The following MSN variants were observed in gnomAD, a reference collection of about 807,000 sequenced individuals.
The protein encoded by MSN is moesin, also known as epididymis luminal protein 70.
A neutral mutation model predicts 48.0 loss-of-function variants in MSN; 2 were observed. The observed-to-expected ratio is 0.04, with a 90% CI of 0.02 to 0.13. The LOEUF (loss-of-function observed/expected upper bound fraction) is 0.13, where lower values mean the gene tolerates loss of function less well. Among genes scored for constraint, MSN ranks in the 10% least tolerant of loss-of-function variants. The pLI is 1.00. For synonymous variants in MSN, 146 were observed against 166.9 expected, an observed-to-expected ratio of 0.87 and a Z score of 0.97; for missense variants, 267 against 470.1, an observed-to-expected ratio of 0.57 and a Z score of 3.99.
At chrX:65,725,443 T>A (rs1393530638) in intron 2 of MSN, among the ~76,000 whole-genome samples, 1 of 110,666 alleles carries the variant, frequency 9.0e-6, no homozygotes, top group East Asian at 2.8e-4. Flanking sequence ...TCAGCTGGAT[T>A]GTTTCTTGGA....
chrX:65,616,802 C>T (rs1364760280), intron 1 of MSN, among the ~76,000 whole-genome samples: 1 of 109,258 alleles, frequency 9.2e-6, no homozygotes, highest in Non-Finnish European at 1.9e-5. Context: ...AAAGGGAATG[C>T]TTCCAGTTTT....
chrX:65,724,165 A>G (rs1383071554), intron 2 of MSN, among the ~76,000 whole-genome samples: 1 of 103,514 alleles, frequency 9.7e-6, no homozygotes, highest in Non-Finnish European at 2.0e-5. Flanking sequence ...TTTTTTTGAG[A>G]CAGAGTTTCA....
At chrX:65,707,963 A>G (rs984343919) in intron 1 of MSN, among the ~76,000 whole-genome samples, 3 of 111,954 alleles carry the variant, frequency 2.7e-5, no homozygotes, top group Admixed American at 9.5e-5. Context: ...CCTTGTCCTC[A>G]TGACTTAGTT....
intron 11 of MSN, 43 bp downstream of exon 11, chrX:65,738,660 C>T: frequency 9.0e-7 from 1 of 1,107,062 alleles, no homozygotes; most frequent in Non-Finnish European, 1.2e-6. Context: ...GGAATGGGTG[C>T]CATATGCATA....
At chrX:65,723,649 C>G (rs2071538717) in intron 2 of MSN, among the ~76,000 whole-genome samples, 1 of 111,919 alleles carries the variant, frequency 8.9e-6, no homozygotes, top group African/African-American at 3.3e-5. Context: ...TCTCTTTCCT[C>G]TGGAATGGAG....
intron 1 of MSN, among the ~76,000 whole-genome samples, chrX:65,639,970 T>C (rs1250075825): frequency 1.8e-5 from 2 of 111,633 alleles, no homozygotes; most frequent in African/African-American, 3.3e-5. Context: ...CTGTGCTAGA[T>C]GCTAGGGGTG....
rs903724429 is a variant in MSN at position 65,673,719 on chromosome X, G to A, written c.12+5866G>A. ...TCCTTTAGCTGGTTGTTCTGGATGGGCAGGGTTTCTCACAGGAGTGTTTTG... is the reference window on the plus strand; with the variant it reads ...TCCTTTAGCTGGTTGTTCTGGATGGACAGGGTTTCTCACAGGAGTGTTTTG... On this transcript the variant is annotated intron_variant, in intron 1 of 12. Transcript: ENST00000360270. 3.6e-5 allele frequency among the ~76,000 whole-genome samples: 4 copies of A among 112,087 alleles called. No homozygotes were observed. In the South Asian group the frequency reaches 1.5e-3, roughly 42 times the overall value.
At chrX:65,636,921 A>G (rs2070607681) in intron 1 of MSN, among the ~76,000 whole-genome samples, 1 of 95,764 alleles carries the variant, frequency 1.0e-5, no homozygotes, top group South Asian at 5.0e-4. Flanking sequence ...CTCTACTAAA[A>G]ATACAAAAAA....
At chrX:65,609,958 C>G (rs945755585) in intron 1 of MSN, among the ~76,000 whole-genome samples, 1 of 111,637 alleles carries the variant, frequency 9.0e-6, no homozygotes, top group African/African-American at 3.3e-5. Context: ...ATATTCTTCA[C>G]TACTATTTTC....
intron 1 of MSN, among the ~76,000 whole-genome samples, chrX:65,627,785 C>A (rs1006853544): frequency 1.8e-5 from 2 of 112,034 alleles, no homozygotes; most frequent in African/African-American, 6.5e-5. Flanking sequence ...TGAGACAAGG[C>A]AAGTCCCCTC....
chrX:65,599,893 A>C (rs1439307227), intron 1 of MSN, among the ~76,000 whole-genome samples: 1 of 111,132 alleles, frequency 9.0e-6, no homozygotes. Flanking sequence ...ATGCAGTAAG[A>C]ACAGGGTTGA....
intron 1 of MSN, among the ~76,000 whole-genome samples, chrX:65,700,601 G>C: frequency 8.9e-6 from 1 of 111,825 alleles, no homozygotes; most frequent in East Asian, 2.8e-4. Flanking sequence ...CTGCTACCCT[G>C]GGGTGCTGGT....
intron 1 of MSN, among the ~76,000 whole-genome samples, chrX:65,627,564 T>C (rs1165989670): frequency 9.0e-6 from 1 of 110,997 alleles, no homozygotes; most frequent in Non-Finnish European, 1.9e-5. Flanking sequence ...ATGATTCAAT[T>C]ACCTCCCCCT....
At chrX:65,635,779 G>T (rs1369384609) in intron 1 of MSN, among the ~76,000 whole-genome samples, 1 of 111,872 alleles carries the variant, frequency 8.9e-6, no homozygotes, top group Non-Finnish European at 1.9e-5. Flanking sequence ...AGAGAAGAGA[G>T]TAGTAGCAGC....
chrX:65,628,439 C>A (rs549202382), intron 1 of MSN, among the ~76,000 whole-genome samples: 1 of 112,535 alleles, frequency 8.9e-6, no homozygotes, highest in African/African-American at 3.2e-5. Context: ...CTGAGCTCTA[C>A]GTTGGCCCCT....
At chrX:65,647,820 A>G (rs931654481) in intron 1 of MSN, among the ~76,000 whole-genome samples, 6 of 112,297 alleles carry the variant, frequency 5.3e-5, no homozygotes, top group Admixed American at 3.8e-4. Flanking sequence ...CATACCATAA[A>G]TGCCTTTTAA....
chrX:65,694,078 A>C (rs959429754), intron 1 of MSN, among the ~76,000 whole-genome samples: 7 of 110,237 alleles, frequency 6.3e-5, no homozygotes, highest in Non-Finnish European at 1.1e-4. Flanking sequence ...CAAAAAACAA[A>C]AAAAAAAAAC....
chrX:65,599,993 C>T (rs1056479314), intron 1 of MSN, among the ~76,000 whole-genome samples: 7 of 108,458 alleles, frequency 6.5e-5, no homozygotes, highest in African/African-American at 2.3e-4. Context: ...CAGATCTTTG[C>T]TGTTGTCCAG....
intron 1 of MSN, among the ~76,000 whole-genome samples, chrX:65,685,353 G>A (rs1005750737): frequency 3.6e-5 from 4 of 111,501 alleles, no homozygotes; most frequent in Non-Finnish European, 7.5e-5. Context: ...CCAGCTTGGG[G>A]TGGTTTGATT....
Sources: allele counts gnomAD v4.1 joint callset (sites outside exome capture counted in the v4.1 genomes callset), GRCh38; gene constraint gnomAD v4.1.1; transcripts MANE v1.5; gene names NCBI Gene and HGNC (gene_info 2026-07-23, HGNC 2026-07-21).